The following BCAS3 variants were observed in gnomAD, a reference collection of about 807,000 sequenced individuals.
BCAS3 encodes BCAS3 microtubule associated cell migration factor.
In BCAS3, 53 loss-of-function variants were observed where a neutral mutation model predicts 116.1. That is an observed-to-expected ratio of 0.46 (90% CI 0.37 to 0.57). The LOEUF is 0.57. BCAS3 is among the 20% of genes least tolerant of loss of function. The pLI is 0.00. For missense variants in BCAS3, 917 were observed against 1,165.4 expected, an observed-to-expected ratio of 0.79 and a Z score of 3.10; for synonymous variants, 391 against 408.2, an observed-to-expected ratio of 0.96 and a Z score of 0.51.
chr17:60,748,083 A>G (rs1239122558), intron 6 of BCAS3, among the ~76,000 whole-genome samples: 2 of 152,114 alleles, frequency 1.3e-5, no homozygotes, highest in African/African-American at 4.8e-5. Flanking sequence ...AATCTTCTTA[A>G]AAAGAGGATA....
chr17:61,101,677 A>T (rs975108761), intron 22 of BCAS3, among the ~76,000 whole-genome samples: 50 of 152,042 alleles, frequency 3.3e-4, no homozygotes, highest in African/African-American at 1.1e-3. Context: ...CCACTTTCAA[A>T]CTTTTAAGAG....
At position 61,198,132 on chromosome 17, in the gene BCAS3, G is replaced by GTTTTTTTTTTT; in HGVS notation, c.2425+113570_2425+113580dup. Among the ~76,000 whole-genome samples, 1 of 143,654 alleles carries GTTTTTTTTTTT rather than the reference G, an allele frequency of 7.0e-6. No individual in the cohort carries two copies. Among genetic ancestry groups the GTTTTTTTTTTT allele is most frequent in the Non-Finnish European group, 1.5e-5 (1 of 65,482 alleles). The allele number at this position is 143,654 out of a possible 152,430, so 94.2% of individuals were successfully genotyped here. A position where few individuals can be genotyped will look rare whatever the true frequency, so the allele number is the denominator to read the frequency against. The stretch of plus-strand genomic sequence containing the variant: ...GCGATTAAGATAAAGTGCAAGATAT[G>GTTTTTTTTTTT]TTTTTTTTTTTTCTTTTTTTTTTTT... On this transcript the variant is annotated intron_variant, in intron 22 of 23. Coordinates refer to ENST00000407086, the MANE Select transcript of BCAS3 (RefSeq NM_017679.5). This position sits in a 1 kb window ranked among gnomAD's most constrained non-coding sequence, Gnocchi z 5.0.
intron 22 of BCAS3, among the ~76,000 whole-genome samples, chr17:61,293,254 CAT>C (rs2052604816): frequency 6.6e-6 from 1 of 152,118 alleles, no homozygotes; most frequent in South Asian, 2.1e-4. Context: ...TGGAAATAGT[CAT>C]AGTTTCATCT....
chr17:61,075,296 C>A (rs1230986741), intron 20 of BCAS3, among the ~76,000 whole-genome samples: 2 of 151,894 alleles, frequency 1.3e-5, no homozygotes, highest in East Asian at 3.9e-4. Flanking sequence ...CCATTTAAAG[C>A]CTTAGGGCCT....
At chr17:60,822,562 A>G (rs2050055139) in intron 7 of BCAS3, among the ~76,000 whole-genome samples, 1 of 152,236 alleles carries the variant, frequency 6.6e-6, no homozygotes, top group African/African-American at 2.4e-5. Context: ...TTTTCAATAA[A>G]TATAAGTTAA....
At chr17:60,819,019 C>T (rs576425584) in intron 7 of BCAS3, among the ~76,000 whole-genome samples, 280 of 152,120 alleles carry the variant, frequency 1.8e-3, no homozygotes, top group Middle Eastern at 3.4e-3. Context: ...TGTAGGAAAT[C>T]TTAGGGAAAT....
intron 5 of BCAS3, among the ~76,000 whole-genome samples, chr17:60,732,164 A>G (rs985066600): frequency 5.3e-5 from 8 of 152,158 alleles, no homozygotes; most frequent in African/African-American, 1.9e-4. Context: ...ATTAATAACT[A>G]AAGTCCTTAG....
At chr17:60,831,424 G>A (rs529407825) in intron 7 of BCAS3, among the ~76,000 whole-genome samples, 6 of 152,006 alleles carry the variant, frequency 3.9e-5, no homozygotes, top group Admixed American at 1.3e-4. Flanking sequence ...TGATCCTCCC[G>A]CCTCAGCCTC....
chr17:61,376,726 G>A lies in BCAS3; in HGVS notation c.2593+8232G>A, dbSNP rs951739538. On this transcript the variant is annotated intron_variant, in intron 23 of 23. Transcript: ENST00000407086. The surrounding 1 kb of genome is among the most constrained non-coding windows in gnomAD (Gnocchi z 4.5). ...TCTGGGTAATATCTCTGATTGCCCA[G>A]TGCTCCTAAAATTGCACCTGTCTCA... 6.6e-6 allele frequency among the ~76,000 whole-genome samples: 1 copy of A among 152,334 alleles called. No individual in the cohort carries two copies. The highest frequency in any genetic ancestry group is 1.5e-5 in the Non-Finnish European group (1 of 68,036).
rs574829971 is a variant in BCAS3 at position 61,034,196 on chromosome 17, T to C, written c.1638-470T>C. Among the ~76,000 whole-genome samples, 1 of 152,236 alleles carries C rather than the reference T, an allele frequency of 6.6e-6. No individual in the cohort carries two copies. Among genetic ancestry groups the C allele is most frequent in the Non-Finnish European group, 1.5e-5 (1 of 68,044 alleles). On this transcript the variant is annotated intron_variant, in intron 16 of 23. Coordinates refer to ENST00000407086, the MANE Select transcript of BCAS3 (RefSeq NM_017679.5). This position sits in a 1 kb window ranked among gnomAD's most constrained non-coding sequence, Gnocchi z 5.0. ...TATCACCTCATTTTCATCCATGCTG[T>C]CTAAATTCATTTATACTGTTAATCC...
At chr17:60,806,337 A>G (rs958191323) in intron 6 of BCAS3, among the ~76,000 whole-genome samples, 2 of 152,136 alleles carry the variant, frequency 1.3e-5, no homozygotes, top group Non-Finnish European at 2.9e-5. Flanking sequence ...GTATGTAGGA[A>G]GGTCATCTTT....
chr17:61,298,250 T>C (rs2053114068), intron 22 of BCAS3, among the ~76,000 whole-genome samples: 1 of 152,064 alleles, frequency 6.6e-6, no homozygotes. Flanking sequence ...CCCAACACAC[T>C]TTTATGCCTA....
rs1601011082 is a variant in BCAS3, at chr17:61,075,101, A to C, written c.2130+81A>C. 6 of 1,102,044 alleles carry C rather than the reference A, an allele frequency of 5.4e-6. No individual in the cohort carries two copies. The East Asian group carries it at 1.5e-4, about 27-fold the overall frequency. 68.3% of individuals were successfully genotyped at this position (1,102,044 alleles called of 1,614,324 possible). A position where few individuals can be genotyped will look rare whatever the true frequency, so the allele number is the denominator to read the frequency against. On this transcript the variant is annotated intron_variant, in intron 20 of 23. Coordinates refer to ENST00000407086, the MANE Select transcript of BCAS3 (RefSeq NM_017679.5). ...TTTTATTCTTTTCCTTAGAGGTAAA[A>C]GGGGAGAATTGGTAACTCTTTATTG...
chr17:61,342,837 C>T (rs560312944), intron 22 of BCAS3, among the ~76,000 whole-genome samples: 1 of 151,948 alleles, frequency 6.6e-6, no homozygotes, highest in Admixed American at 6.6e-5. Context: ...GTAACCCCCG[C>T]CTCCTGGGTT....
rs370129985 is a variant in BCAS3 at position 60,710,621 on chromosome 17, T to C, written c.321+1296T>C. Among the ~76,000 whole-genome samples the C allele has an allele frequency of 9.8e-4, 149 of 151,892 alleles. 1 individual carries two copies. Among genetic ancestry groups the C allele is most frequent in the South Asian group, 5.2e-3 (25 of 4,794 alleles). On this transcript the variant is annotated intron_variant, in intron 5 of 23. Transcript: ENST00000407086. ...TAATTTTTTGTATTTTTAGTACAGATGGGGTTTCACCACGTTAGCCAGGAT... is the reference window on the plus strand; with the variant it reads ...TAATTTTTTGTATTTTTAGTACAGACGGGGTTTCACCACGTTAGCCAGGAT...
At chr17:60,814,310 C>T (rs934618870) in intron 7 of BCAS3, among the ~76,000 whole-genome samples, 13 of 135,724 alleles carry the variant, frequency 9.6e-5, no homozygotes, top group South Asian at 6.6e-4. Flanking sequence ...TGTGTGTGCG[C>T]GCGTGCCCAT....
At chr17:61,268,406 T>C (rs1423887958) in intron 22 of BCAS3, among the ~76,000 whole-genome samples, 3 of 152,194 alleles carry the variant, frequency 2.0e-5, no homozygotes. Context: ...TTCAAATTAT[T>C]TTTTAAATTG....
In BCAS3 at chr17:61,015,630, A is replaced by G. The variant is rs143643800; in HGVS notation, c.1487-121A>G. The G allele has an allele frequency of 0.012, 11,650 of 1,001,606 alleles. 101 individuals are homozygous for G. The highest frequency in any genetic ancestry group is 0.015 in the Non-Finnish European group (9,628 of 661,218). 62.0% of individuals were successfully genotyped at this position (1,001,606 alleles called of 1,614,324 possible). ...CATAATTGTAATTCTCTTGGCATCA[A>G]TTCTACCTTTGATGCCTTTCTTAAA... On this transcript the variant is annotated intron_variant, in intron 15 of 23. Coordinates refer to ENST00000407086, the MANE Select transcript of BCAS3 (RefSeq NM_017679.5).
At chr17:61,092,315 AGTCT>A (rs1164176206) in intron 22 of BCAS3, among the ~76,000 whole-genome samples, 2 of 152,004 alleles carry the variant, frequency 1.3e-5, no homozygotes, top group African/African-American at 4.8e-5. Context: ...TTTTTTTATA[AGTCT>A]GTCTGTCTGT....
Sources: allele counts gnomAD v4.1 joint callset (sites outside exome capture counted in the v4.1 genomes callset), GRCh38; gene constraint gnomAD v4.1.1; non-coding constraint Gnocchi (gnomAD v3.1); transcripts MANE v1.5; gene names NCBI Gene and HGNC (gene_info 2026-07-23, HGNC 2026-07-21).